The following ZNF223 variants were observed in gnomAD, a reference collection of about 807,000 sequenced individuals.
The protein encoded by ZNF223 is Homo sapiens zinc finger protein 223.
ZNF223 carries 9 observed loss-of-function variants against 12.3 expected under a neutral mutation model. The ratio of observed to expected loss-of-function variants is 0.73; its 90% confidence interval spans 0.44 to 1.28. The LOEUF is 1.28. ZNF223 is among the 50% of genes most tolerant of loss of function. The pLI is 0.00. For missense variants in ZNF223, 506 were observed against 579.0 expected (o/e 0.87, Z 1.29); for synonymous variants, 171 against 195.2 (o/e 0.88, Z 1.03).
chr19:44,067,381 C>A lies in ZNF223; in HGVS notation c.*104C>A. 1 of 1,258,394 alleles carries A rather than the reference C, an allele frequency of 7.9e-7. No individual in the cohort carries two copies. Among genetic ancestry groups the A allele is most frequent in the Non-Finnish European group, 1.1e-6 (1 of 889,098 alleles). 78.0% of individuals were successfully genotyped at this position (1,258,394 alleles called of 1,614,324 possible). A position where few individuals can be genotyped will look rare whatever the true frequency, so the allele number is the denominator to read the frequency against. ...AGCACATTTATCACCTCAATTATCT[C>A]TTTTTTGTGTTGAGAAAATTAAAAA... On this transcript the variant is annotated 3_prime_UTR_variant, in exon 5 of 5. Coordinates refer to ENST00000434772, the MANE Select transcript of ZNF223 (RefSeq NM_013361.6).
rs745709186 is a variant in ZNF223, at chr19:44,066,715, G to A, written c.887G>A (p.Ser296Asn). ...TTCAAATGTGAGATATGTAGTGTGA[G>A]CTTCCGTCTTAGGTCAAGTCTTAAT... ...KPFKCEICSV[S>N]FRLRSSLNRH... Residue 296 changes from serine to asparagine, a missense_variant, in exon 5 of 5, where the codon AGC becomes AAC. By Grantham distance (46) the Ser-to-Asn change is conservative (BLOSUM62 1). Coordinates refer to ENST00000434772, the MANE Select transcript of ZNF223 (RefSeq NM_013361.6). 1.9e-5 allele frequency: 30 copies of A among 1,614,064 alleles called. No individual in the cohort carries two copies. The East Asian group carries it at 4.0e-4, about 22-fold the overall frequency.
chr19:44,058,059 A>G (rs935180255), intron 2 of ZNF223, among the ~76,000 whole-genome samples: 3 of 152,162 alleles, frequency 2.0e-5, no homozygotes, highest in African/African-American at 4.8e-5. Context: ...CCCCATTTAT[A>G]TACTTCAGGG....
At chr19:44,060,899 G>A (rs768291982) in intron 4 of ZNF223, 58 bp downstream of exon 4, 2 of 1,493,190 alleles carry the variant, frequency 1.3e-6, no homozygotes, top group East Asian at 4.5e-5. Context: ...TTACTTCTGT[G>A]CACGTCCAAC....
intron 2 of ZNF223, 23 bp downstream of exon 2, chr19:44,055,214 A>G (rs991355274): frequency 1.2e-6 from 2 of 1,612,200 alleles, no homozygotes; most frequent in Non-Finnish European, 1.7e-6. Flanking sequence ...TGCCTCTCTT[A>G]CTGTTAAAAT....
chr19:44,054,217 G>C (rs10404112), intron 1 of ZNF223, among the ~76,000 whole-genome samples: 251 of 150,124 alleles, frequency 1.7e-3, no homozygotes, highest in African/African-American at 5.8e-3. Context: ...TTGTCACCCA[G>C]GCTGGGGTAC....
intron 4 of ZNF223, 44 bp from the exon 5 acceptor site, chr19:44,066,020 C>T: frequency 4.6e-6 from 7 of 1,528,116 alleles, no homozygotes; most frequent in Non-Finnish European, 6.1e-6. Flanking sequence ...AAACACTGAA[C>T]AGGGCATAGC....
chr19:44,053,572 G>T (rs372043466), intron 1 of ZNF223, among the ~76,000 whole-genome samples: 2 of 152,126 alleles, frequency 1.3e-5, no homozygotes, highest in African/African-American at 4.8e-5. Flanking sequence ...GTTTTATACC[G>T]AGACATTCCA....
intron 2 of ZNF223, 172 bp from the exon 3 acceptor site, chr19:44,060,283 A>C: frequency 1.8e-6 from 2 of 1,112,162 alleles, no homozygotes; most frequent in Non-Finnish European, 1.3e-6. Context: ...GGGACAATCA[A>C]GGTGTGTCAT....
intron 4 of ZNF223, among the ~76,000 whole-genome samples, chr19:44,064,712 CACAGTT>C (rs1240585792): frequency 6.6e-6 from 1 of 152,094 alleles, no homozygotes; most frequent in Admixed American, 6.6e-5. Context: ...TATTTATTCT[CACAGTT>C]ACTGATTTTT....
At chr19:44,060,268 C>T (rs769337255) in intron 2 of ZNF223, 187 bp from the exon 3 acceptor site, 217 of 1,023,906 alleles carry the variant, frequency 2.1e-4, no homozygotes, top group Non-Finnish European at 2.8e-4. Context: ...CTTCTGATGA[C>T]GCTTGGGACA....
At chr19:44,063,079 ATTAC>A (rs1180649655) in intron 4 of ZNF223, among the ~76,000 whole-genome samples, 1 of 152,226 alleles carries the variant, frequency 6.6e-6, no homozygotes, top group East Asian at 1.9e-4. Context: ...GAATTGGGGA[ATTAC>A]TTACTCAAAA....
At chr19:44,058,074 A>T (rs2147471805) in intron 2 of ZNF223, among the ~76,000 whole-genome samples, 1 of 152,308 alleles carries the variant, frequency 6.6e-6, no homozygotes, top group East Asian at 1.9e-4. Flanking sequence ...TCAGGGTGCC[A>T]TGACTCATGG....
chr19:44,056,875 G>A (rs1438917605), intron 2 of ZNF223, among the ~76,000 whole-genome samples: 2 of 151,904 alleles, frequency 1.3e-5, no homozygotes, highest in Non-Finnish European at 2.9e-5. Context: ...GATTACAAGC[G>A]TGAACCACCG....
intron 2 of ZNF223, 27 bp from the exon 3 acceptor site, chr19:44,060,428 T>A: frequency 6.2e-7 from 1 of 1,613,042 alleles, no homozygotes; most frequent in Non-Finnish European, 8.5e-7. Flanking sequence ...GTAGTGAGAT[T>A]GAGGTTGCAT....
At chr19:44,054,994 G>T in intron 1 of ZNF223, 115 bp from the exon 2 acceptor site, 1 of 519,168 alleles carries the variant, frequency 1.9e-6, no homozygotes, top group South Asian at 3.5e-5. Context: ...GGGTTAGTAT[G>T]AATAATGCTG....
intron 2 of ZNF223, among the ~76,000 whole-genome samples, chr19:44,056,531 C>A (rs372349212): frequency 0.01 from 775 of 75,782 alleles, 1 homozygote; most frequent in African/African-American, 0.013. Context: ...GACTCTGTCT[C>A]AAAAAAAAAA....
chr19:44,064,627 G>A (rs1976881484), intron 4 of ZNF223, among the ~76,000 whole-genome samples: 1 of 152,076 alleles, frequency 6.6e-6, no homozygotes, highest in South Asian at 2.1e-4. Flanking sequence ...CACTCCAAGT[G>A]CAAATTCGGC....
At chr19:44,056,306 A>G (rs1804164472) in intron 2 of ZNF223, among the ~76,000 whole-genome samples, 1 of 146,316 alleles carries the variant, frequency 6.8e-6, no homozygotes, top group Admixed American at 7.0e-5. Flanking sequence ...TCACTAGGTC[A>G]GGAGATAGAG....
At chr19:44,062,843 G>A (rs904782302) in intron 4 of ZNF223, among the ~76,000 whole-genome samples, 2 of 152,214 alleles carry the variant, frequency 1.3e-5, no homozygotes, top group African/African-American at 4.8e-5. Flanking sequence ...ACTGCCTCCA[G>A]TTCCTCCTTC....
Sources: gnomAD v4.1 joint callset for allele counts (sites outside exome capture counted in the v4.1 genomes callset) on GRCh38, gnomAD v4.1.1 for gene constraint, MANE v1.5 for transcripts, NCBI Gene and HGNC (gene_info 2026-07-23, HGNC 2026-07-21) for gene names.